NTM: variants seen among roughly 807,000 people sequenced by gnomAD.
NTM encodes the protein neurotrimin, also known as IgLON family member 2.
A neutral mutation model predicts 42.1 loss-of-function variants in NTM; 13 were observed. The observed-to-expected ratio is 0.31, with a 90% confidence interval of 0.20 to 0.49. The LOEUF is 0.49. NTM is among the 20% of genes least tolerant of loss of function. The pLI is 0.99. For missense variants in NTM, 373 were observed against 452.8 expected (o/e 0.82, Z 1.60); for synonymous variants, 187 against 179.2 (o/e 1.04, Z -0.35).
At chr11:132,121,954 G>C (rs1170891465) in intron 2 of NTM, among the ~76,000 whole-genome samples, 1 of 152,208 alleles carries the variant, frequency 6.6e-6, no homozygotes, top group African/African-American at 2.4e-5. Flanking sequence ...CAAATTACCT[G>C]TATTCTGCAG....
intron 1 of NTM, among the ~76,000 whole-genome samples, chr11:131,767,687 T>A (rs1373471972): frequency 6.6e-6 from 1 of 152,208 alleles, no homozygotes; most frequent in Non-Finnish European, 1.5e-5. Context: ...ACCTCAACTT[T>A]CCAGCATCCA....
intron 1 of NTM, chr11:131,536,757 T>A (rs2136732109): frequency 6.6e-6 from 1 of 152,302 alleles, no homozygotes; most frequent in Non-Finnish European, 1.5e-5. Flanking sequence ...GAGGCACACG[T>A]CTGGATGGAG....
chr11:131,753,276 C>G (rs1482101547), intron 1 of NTM, among the ~76,000 whole-genome samples: 1 of 152,024 alleles, frequency 6.6e-6, no homozygotes, highest in Non-Finnish European at 1.5e-5. Context: ...AATAGGAACA[C>G]TTTTACACTG....
intron 2 of NTM, among the ~76,000 whole-genome samples, chr11:131,994,915 C>A (rs1243278421): frequency 1.3e-5 from 2 of 152,152 alleles, no homozygotes; most frequent in Non-Finnish European, 2.9e-5. Context: ...TAAAAGCTGT[C>A]CTAGATTCCT....
chr11:131,949,447 T>C (rs1243183217), intron 2 of NTM, among the ~76,000 whole-genome samples: 1 of 152,266 alleles, frequency 6.6e-6, no homozygotes, highest in Non-Finnish European at 1.5e-5. Context: ...AACAGCACAC[T>C]GACCTAGACT....
chr11:132,245,610 C>T (rs2091000544), intron 4 of NTM, among the ~76,000 whole-genome samples: 1 of 152,140 alleles, frequency 6.6e-6, no homozygotes, highest in Non-Finnish European at 1.5e-5. Flanking sequence ...GAGAGCCTTT[C>T]TGTACGACGG....
intron 1 of NTM, among the ~76,000 whole-genome samples, chr11:131,873,982 TA>T: frequency 9.8e-6 from 1 of 102,398 alleles, no homozygotes; most frequent in Admixed American, 1.3e-4. Context: ...ATATATTATA[TA>T]TTATATATAT....
intron 2 of NTM, among the ~76,000 whole-genome samples, chr11:131,949,615 T>G (rs1268916335): frequency 6.6e-6 from 1 of 152,200 alleles, no homozygotes; most frequent in Non-Finnish European, 1.5e-5. Context: ...GGGTCCACCT[T>G]GAGTACTGGC....
chr11:132,213,623 C>T (rs2083278371), intron 4 of NTM, among the ~76,000 whole-genome samples: 1 of 152,030 alleles, frequency 6.6e-6, no homozygotes, highest in Admixed American at 6.6e-5. Flanking sequence ...CCCCAAGTAC[C>T]AAATTCTAGA....
chr11:132,229,042 G>A (rs557204389), intron 4 of NTM, among the ~76,000 whole-genome samples: 5 of 152,282 alleles, frequency 3.3e-5, no homozygotes, highest in South Asian at 2.1e-4. Flanking sequence ...CTAAAATGGT[G>A]AGATTCTAAC....
chr11:132,086,323 CAA>C (rs71067358), intron 2 of NTM, among the ~76,000 whole-genome samples: 113 of 98,960 alleles, frequency 1.1e-3, no homozygotes, highest in Middle Eastern at 0.011. Context: ...GACTCCATGT[CAA>C]AAAAAAAAAA....
chr11:131,764,620 A>T (rs1360854629), intron 1 of NTM, among the ~76,000 whole-genome samples: 2 of 152,186 alleles, frequency 1.3e-5, no homozygotes, highest in African/African-American at 4.8e-5. Context: ...AAAAAAGGGG[A>T]TAATTATATA....
intron 1 of NTM, among the ~76,000 whole-genome samples, chr11:131,816,319 C>G (rs1407230761): frequency 6.6e-6 from 1 of 152,118 alleles, no homozygotes; most frequent in Admixed American, 6.5e-5. Flanking sequence ...GTACAATGTC[C>G]ATGCCTTAGT....
chr11:131,979,273 G>GA (rs1444134638), intron 2 of NTM, among the ~76,000 whole-genome samples: 11 of 152,008 alleles, frequency 7.2e-5, no homozygotes, highest in African/African-American at 9.7e-5. Flanking sequence ...GGTGCTAAAA[G>GA]AAAAAAATCA....
At chr11:132,147,210 T>TGAGA (rs1195572205) in intron 3 of NTM, among the ~76,000 whole-genome samples, 14 of 126,116 alleles carry the variant, frequency 1.1e-4, no homozygotes, top group Admixed American at 2.3e-4. Context: ...TGTGTGTGTG[T>TGAGA]GTGTGAGAGA....
chr11:131,441,561 G>T (rs999661920), intron 1 of NTM, among the ~76,000 whole-genome samples: 1 of 152,174 alleles, frequency 6.6e-6, no homozygotes, highest in African/African-American at 2.4e-5. Flanking sequence ...TAAGTGCCTT[G>T]TTCCTCCATC....
chr11:131,396,012 T>C (rs1187161509), intron 1 of NTM, among the ~76,000 whole-genome samples: 1 of 152,134 alleles, frequency 6.6e-6, no homozygotes, highest in Non-Finnish European at 1.5e-5. Flanking sequence ...GTGCAGCTCC[T>C]AGAGGTGAGG....
In NTM at chr11:131,817,826, C is replaced by T. The variant is rs966902025; in HGVS notation, c.83-93738C>T. Reference sequence around the variant, plus strand: ...CCTTGCGGGCACTGACTAGACTCATCGCAGCCCCTGTGTACCATGGTTTAC... The same window carrying T: ...CCTTGCGGGCACTGACTAGACTCATTGCAGCCCCTGTGTACCATGGTTTAC... On this transcript the variant is annotated intron_variant, in intron 1 of 8. Transcript: ENST00000683400. Among the ~76,000 whole-genome samples the T allele has an allele frequency of 2.6e-5, 4 of 152,256 alleles. No individual in the cohort carries two copies. In the South Asian group the frequency reaches 6.2e-4, roughly 24 times the overall value.
intron 2 of NTM, among the ~76,000 whole-genome samples, chr11:132,116,329 C>T (rs748291663): frequency 3.3e-5 from 5 of 152,184 alleles, no homozygotes; most frequent in Non-Finnish European, 7.3e-5. Context: ...GCTGGAGCCA[C>T]TGGGAGACAC....
Sources: gnomAD v4.1 joint callset for allele counts (sites outside exome capture counted in the v4.1 genomes callset) on GRCh38, gnomAD v4.1.1 for gene constraint, MANE v1.5 for transcripts, NCBI Gene and HGNC (gene_info 2026-07-23, HGNC 2026-07-21) for gene names.